Variants in AHNAK2 observed in about 807,000 individuals in gnomAD.
The protein encoded by AHNAK2 is AHNAK nucleoprotein 2.
A neutral mutation model predicts 30.7 loss-of-function variants in AHNAK2; 18 were observed. The ratio of observed to expected loss-of-function variants is 0.59; its 90% CI spans 0.41 to 0.87. The LOEUF (loss-of-function observed/expected upper bound fraction) is 0.87, where lower values mean the gene tolerates loss of function less well. Ranked by LOEUF, AHNAK2 falls within the 40% of genes least tolerant of loss-of-function variation. AHNAK2 has a pLI of 0.00. For missense variants in AHNAK2, 8,604 were observed against 7,373.0 expected, an observed-to-expected ratio of 1.17 and a Z score of -6.11; for synonymous variants, 3,590 against 3,073.8, an observed-to-expected ratio of 1.17 and a Z score of -5.56.
rs1898907191 is a variant in AHNAK2, at chr14:104,954,441, G to T, written c.1010C>A (p.Ser337Ter). 6.2e-7 allele frequency: 1 copy of T among 1,612,516 alleles called. No individual in the cohort carries two copies. The highest frequency in any genetic ancestry group is 8.5e-7 in the Non-Finnish European group (1 of 1,179,540). The change falls in exon 7 of 7, where the codon TCA becomes TAA. Residue 337 changes from serine to a stop codon, truncating the protein, a stop_gained. Coordinates refer to ENST00000333244, the MANE Select transcript of AHNAK2 (RefSeq NM_138420.4). LOFTEE classifies it low-confidence loss of function (END_TRUNC). This position sits in a 1 kb window ranked among gnomAD's most constrained non-coding sequence, Gnocchi z 4.3. ...CCCCCTGCCTGGCTGTCCTGTCGAT[G>T]AAGGGCCCTGTCCCGAGCCTGTCCT... The part of the protein sequence containing the change: ...RFRTGSGQGP[S>*]STGQPGRGFQ...
Position 104,946,645 on chromosome 14 carries a change from C to G in AHNAK2, c.8806G>C (p.Asp2936His), listed in dbSNP as rs752819329. 6.6e-5 allele frequency: 106 copies of G among 1,612,724 alleles called. No homozygotes were observed. The highest frequency in any genetic ancestry group is 8.6e-5 in the Non-Finnish European group (101 of 1,179,706). ...KGPKAEVTAP[D>H]VEVSLPSVEV... is the part of the protein sequence containing the mutation. The stretch of plus-strand genomic sequence containing the variant: ...ACGCTGGGCAGAGACACCTCCACGT[C>G]GGGGGCCGTCACCTCCGCCTTGGGG... Residue 2936 changes from aspartate to histidine, a missense_variant, in exon 7 of 7, where the codon GAC (aspartate) becomes CAC (histidine). Transcript: ENST00000333244.
Position 104,951,946 on chromosome 14 carries a change from T to C in AHNAK2, c.3505A>G (p.Lys1169Glu), listed in dbSNP as rs1467454281. 1 of 1,611,136 alleles carries C rather than the reference T, an allele frequency of 6.2e-7. No homozygotes were observed. Among genetic ancestry groups the C allele is most frequent in the Non-Finnish European group, 8.5e-7 (1 of 1,178,962 alleles). Reference protein sequence around the residue: ...KDSRFKMPKFKMPSFGASAPG... With the variant: ...KDSRFKMPKFEMPSFGASAPG... ...GCTGACGCCCCGAACGATGGCATCTTGAACTTGGGCATTTTGAACCTGCTG... is the reference window on the plus strand; with the variant it reads ...GCTGACGCCCCGAACGATGGCATCTCGAACTTGGGCATTTTGAACCTGCTG... The change falls in exon 7 of 7, where the codon AAG becomes GAG. Residue 1169 changes from lysine to glutamate, a missense_variant. Lys to Glu is a moderately conservative substitution (Grantham distance 56). Coordinates refer to ENST00000333244, the MANE Select transcript of AHNAK2 (RefSeq NM_138420.4).
Position 104,944,081 on chromosome 14 carries a change from G to C in AHNAK2, c.11370C>G (p.Ser3790=). ...LDSAQLEGDL[S]LADKDVTAKD... ...TGGCAGTCACATCCTTGTCGGCCAG[G>C]GACAGGTCCCCCTCCAGCTGTGCAC... is the stretch of plus-strand genomic sequence containing the variant. Residue 3790 remains serine, a synonymous_variant, in exon 7 of 7, where the codon TCC becomes TCG. Transcript: ENST00000333244. 6.2e-7 allele frequency: 1 copy of C among 1,613,296 alleles called. No homozygotes were observed. Among genetic ancestry groups the C allele is most frequent in the Non-Finnish European group, 8.5e-7 (1 of 1,179,672 alleles).
Position 104,970,365 on chromosome 14 carries a change from AGCCCCCCTTGCTGGTGGCCTGCTG to A in AHNAK2, c.55+7794_55+7817del, listed in dbSNP as rs981393634. 7 of 954,228 alleles carry A rather than the reference AGCCCCCCTTGCTGGTGGCCTGCTG, an allele frequency of 7.3e-6. No homozygotes were observed. The Admixed American group carries it at 4.3e-4, about 59-fold the overall frequency. 59.1% of individuals were successfully genotyped at this position (954,228 alleles called of 1,614,324 possible). On this transcript the variant is annotated intron_variant, in intron 1 of 6. Transcript: ENST00000333244. The stretch of plus-strand genomic sequence containing the variant: ...ATGCCTAGCCCAGCTCTGTTCCTCC[AGCCCCCCTTGCTGGTGGCCTGCTG>A]GCCCCCACAGACCCGCGGAAGAGTG...
At position 104,941,296 on chromosome 14, in the gene AHNAK2, C is replaced by G. The variant is rs1226865465; in HGVS notation, c.14155G>C (p.Asp4719His). The stretch of plus-strand genomic sequence containing the variant: ...GACTTTGCACCTGGGACTAAACTAT[C>G]TTTAGGAGTTTTGGTAGAAGAAAAT... ...VSFSSTKTPK[D>H]SLVPGAKSSI... The change falls in exon 7 of 7, where the codon GAT becomes CAT. Residue 4719 changes from aspartate to histidine, a missense_variant. By Grantham distance (81) the Asp-to-His change is moderately conservative. Coordinates refer to ENST00000333244, the MANE Select transcript of AHNAK2 (RefSeq NM_138420.4). 6.2e-7 allele frequency: 1 copy of G among 1,613,570 alleles called. No individual in the cohort carries two copies. Among genetic ancestry groups the G allele is most frequent in the Admixed American group, 1.7e-5 (1 of 60,008 alleles).
rs781289257 is a variant in AHNAK2 at position 104,950,730 on chromosome 14, C to T, written c.4721G>A (p.Gly1574Glu). 1 of 1,587,982 alleles carries T rather than the reference C, an allele frequency of 6.3e-7. No homozygotes were observed. The highest frequency in any genetic ancestry group is 8.6e-7 in the Non-Finnish European group (1 of 1,162,946). The change falls in exon 7 of 7, where the codon GGG becomes GAG. Residue 1574 changes from glycine (G) to glutamate (E), a missense_variant. By Grantham distance (98) the Gly-to-Glu change is moderately conservative. Coordinates refer to ENST00000333244, the MANE Select transcript of AHNAK2 (RefSeq NM_138420.4). ...GPVSEGAGLK[G>E]HLPKVQMPSF... ...GGGCATCTGCACTTTGGGCAGGTGC[C>T]CTTTGAGGCCGGCTCCCTCGGACAC...
chr14:104,973,373 T>G (rs1899523236), intron 1 of AHNAK2, among the ~76,000 whole-genome samples: 1 of 152,118 alleles, frequency 6.6e-6, no homozygotes, highest in African/African-American at 2.4e-5. Flanking sequence ...AGCTCGGCAT[T>G]CTCAGGGCGT....
intron 1 of AHNAK2, among the ~76,000 whole-genome samples, chr14:104,973,620 A>G (rs1054374562): frequency 7.8e-4 from 119 of 152,222 alleles, no homozygotes; most frequent in African/African-American, 2.8e-3. Context: ...TGCCCCTGCC[A>G]CATCCCGGGT....
At chr14:104,967,447 G>A (rs529492538) in intron 1 of AHNAK2, among the ~76,000 whole-genome samples, 2 of 152,334 alleles carry the variant, frequency 1.3e-5, no homozygotes, top group Admixed American at 6.5e-5. Context: ...TGTTGGGGCC[G>A]GTGAGGGAGG....
At position 104,953,201 on chromosome 14, in the gene AHNAK2, C is replaced by G; in HGVS notation, c.2250G>C (p.Glu750Asp). 6.2e-7 allele frequency: 1 copy of G among 1,613,124 alleles called. No individual in the cohort carries two copies. Among genetic ancestry groups the G allele is most frequent in the Non-Finnish European group, 8.5e-7 (1 of 1,179,668 alleles). ...DVKLPEGPLPEGASLKGHLPK... is the reference protein window; with the variant it reads ...DVKLPEGPLPDGASLKGHLPK... The stretch of plus-strand genomic sequence containing the variant: ...GCAGGTGCCCTTTGAGGCTGGCTCC[C>G]TCGGGCAGGGGGCCCTCCGGAAGTT... Residue 750 changes from glutamate to aspartate, a missense_variant, in exon 7 of 7, where the codon GAG becomes GAC. Glu to Asp is a conservative substitution (Grantham distance 45, BLOSUM62 2). Transcript: ENST00000333244.
In AHNAK2 at chr14:104,952,474, C is replaced by T. The variant is rs202046776; in HGVS notation, c.2977G>A (p.Ala993Thr). 29 of 1,612,264 alleles carry T rather than the reference C, an allele frequency of 1.8e-5. No individual in the cohort carries two copies. The highest frequency in any genetic ancestry group is 1.7e-4 in the Middle Eastern group (1 of 6,056). ...GGCATTTTGAACTTGCTGTCTTTGG[C>T]AGTCACGTCCTTGTCGGCCAGGGAC... is the stretch of plus-strand genomic sequence containing the variant. ...DLSLADKDVT[A>T]KDSKFKMPKF... The change falls in exon 7 of 7, where the codon GCC becomes ACC. Residue 993 changes from alanine to threonine, a missense_variant. Transcript: ENST00000333244.
In AHNAK2 at chr14:104,953,678, T is replaced by A. The variant is rs746527424; in HGVS notation, c.1773A>T (p.Gly591=). The A allele has an allele frequency of 6.2e-7, 1 of 1,613,818 alleles. No individual in the cohort carries two copies. Residue 591 remains glycine, a synonymous_variant, in exon 7 of 7, where the codon GGA becomes GGT. Transcript: ENST00000333244. The stretch of plus-strand genomic sequence containing the variant: ...TCTTTGTGTGCTTGCTTGGCGACCA[T>A]CCTAAGGAGGGTATCTTGAACTTGG... ...RMPKFKIPSL[G]WSPSKHTKTG...
Position 104,942,746 on chromosome 14 carries a change from C to A in AHNAK2, c.12705G>T (p.Gln4235His), listed in dbSNP as rs1273100544. ...CCAGCTTGGGGCCCTTGACATCCAC[C>A]TGGGGGCCCTTGAGGGCCACTTTGG... is the stretch of plus-strand genomic sequence containing the variant. ...KMPKVALKGP[Q>H]VDVKGPKLDL... Residue 4235 changes from glutamine to histidine, a missense_variant, in exon 7 of 7, where the codon CAG (glutamine) becomes CAT (histidine). Transcript: ENST00000333244. The A allele has an allele frequency of 6.2e-7, 1 of 1,613,206 alleles. No individual in the cohort carries two copies. The highest frequency in any genetic ancestry group is 8.5e-7 in the Non-Finnish European group (1 of 1,179,648).
rs750834723 is a variant in AHNAK2 at position 104,949,201 on chromosome 14, C to T, written c.6250G>A (p.Val2084Met). The change falls in exon 7 of 7, where the codon GTG (valine) becomes ATG (methionine). Residue 2084 changes from valine to methionine, a missense_variant. Val to Met is a conservative substitution (Grantham distance 21, BLOSUM62 1). Transcript: ENST00000333244. ...TCCACCTGGGGGCCCTTGAGGTCCA[C>T]TTTGGGCATCTTCAAACTGGGCATC... Reference protein sequence around the residue: ...VEMPSLKMPKVDLKGPQVDIK... With the variant: ...VEMPSLKMPKMDLKGPQVDIK... 4.7e-6 allele frequency: 5 copies of T among 1,072,868 alleles called. 1 individual carries two copies. The Admixed American group carries it at 6.4e-5, about 14-fold the overall frequency. The allele number at this position is 1,072,868 out of a possible 1,614,324, so 66.5% of individuals were successfully genotyped here.
intron 1 of AHNAK2, among the ~76,000 whole-genome samples, chr14:104,970,669 C>A (rs1421277251): frequency 1.3e-5 from 2 of 152,192 alleles, no homozygotes; most frequent in Non-Finnish European, 2.9e-5. Flanking sequence ...CCTGGCCAGC[C>A]CCCAACACTC....
chr14:104,951,139 G>C lies in AHNAK2; in HGVS notation c.4312C>G (p.Leu1438Val). 9.4e-7 allele frequency: 1 copy of C among 1,069,390 alleles called. No individual in the cohort carries two copies. The highest frequency in any genetic ancestry group is 1.5e-5 in the African/African-American group (1 of 68,832). The allele number at this position is 1,069,390 out of a possible 1,614,324, so 66.2% of individuals were successfully genotyped here. Residue 1438 changes from leucine (L) to valine (V), a missense_variant, in exon 7 of 7, where the codon CTG (leucine) becomes GTG (valine). By Grantham distance (32) the Leu-to-Val change is conservative (BLOSUM62 1). Coordinates refer to ENST00000333244, the MANE Select transcript of AHNAK2 (RefSeq NM_138420.4). Reference sequence around the variant, plus strand: ...TCCACCTTGGGGTCTTTTAGGTCCAGCTTGGGGCCCTTGATGTCTATTTCA... The same window carrying C: ...TCCACCTTGGGGTCTTTTAGGTCCACCTTGGGGCCCTTGATGTCTATTTCA... Reference protein sequence around the residue: ...GPEIDIKGPKLDLKDPKVEVT... With the variant: ...GPEIDIKGPKVDLKDPKVEVT...
chr14:104,971,341 A>G (rs1000017659), intron 1 of AHNAK2, among the ~76,000 whole-genome samples: 1 of 151,794 alleles, frequency 6.6e-6, no homozygotes, highest in East Asian at 1.9e-4. Flanking sequence ...TCTCATACGC[A>G]TGGGCTCAGG....
rs575045476 is a variant in AHNAK2 at position 104,946,526 on chromosome 14, G to A, written c.8925C>T (p.Asp2975=). The change falls in exon 7 of 7, where the codon GAC becomes GAT. Residue 2975 remains aspartate (D), a synonymous_variant. Coordinates refer to ENST00000333244, the MANE Select transcript of AHNAK2 (RefSeq NM_138420.4). Reference sequence around the variant, plus strand: ...TGAACTTGGGCATTTTGAACTTGCTGTCTTTGGCAGTCACATCCTTGTCGG... The same window carrying A: ...TGAACTTGGGCATTTTGAACTTGCTATCTTTGGCAGTCACATCCTTGTCGG... ...SLADKDVTAK[D]SKFKMPKFKM... The A allele has an allele frequency of 4.3e-6, 7 of 1,612,136 alleles. 1 individual carries two copies. Among genetic ancestry groups the A allele is most frequent in the African/African-American group, 2.7e-5 (2 of 74,278 alleles).
At position 104,946,361 on chromosome 14, in the gene AHNAK2, G is replaced by A. The variant is rs1276971317; in HGVS notation, c.9090C>T (p.Pro3030=). ...DLKTTDISIE[P]PSAQLEVQAG... ...CCTGGACCTCCAGTTGGGCAGAGGG[G>A]GGCTCAATGCTGATGTCAGTGGTCT... Residue 3030 remains proline (P), a synonymous_variant, in exon 7 of 7, where the codon CCC becomes CCT. Coordinates refer to ENST00000333244, the MANE Select transcript of AHNAK2 (RefSeq NM_138420.4). 28 of 1,612,342 alleles carry A rather than the reference G, an allele frequency of 1.7e-5. No individual in the cohort carries two copies. The highest frequency in any genetic ancestry group is 2.4e-5 in the Non-Finnish European group (28 of 1,179,426).
Sources: allele counts gnomAD v4.1 joint callset (sites outside exome capture counted in the v4.1 genomes callset), GRCh38; gene constraint gnomAD v4.1.1; non-coding constraint Gnocchi (gnomAD v3.1); transcripts MANE v1.5; gene names NCBI Gene and HGNC (gene_info 2026-07-23, HGNC 2026-07-21).